HSPA12A: variants seen among roughly 807,000 people sequenced by gnomAD.
HSPA12A encodes the protein heat shock protein family A (Hsp70) member 12A.
In HSPA12A, 28 loss-of-function variants were observed where a neutral mutation model predicts 69.2. The ratio of observed to expected loss-of-function variants is 0.40; its 90% CI spans 0.30 to 0.55. HSPA12A has a LOEUF of 0.55. Among genes scored for constraint, HSPA12A ranks in the 20% least tolerant of loss-of-function variants. The pLI is 0.38. For synonymous variants in HSPA12A, 345 were observed against 370.5 expected, an observed-to-expected ratio of 0.93 and a Z score of 0.79; for missense variants, 686 against 900.7, an observed-to-expected ratio of 0.76 and a Z score of 3.05.
intron 2 of HSPA12A, 49 bp from the exon 3 acceptor site, chr10:116,705,327 T>C: frequency 6.2e-7 from 1 of 1,610,456 alleles, no homozygotes; most frequent in Non-Finnish European, 8.5e-7. Flanking sequence ...TGGGCCTGGC[T>C]TTCAGGAAGA....
intron 2 of HSPA12A, among the ~76,000 whole-genome samples, chr10:116,823,680 A>T (rs139867231): frequency 1.8e-4 from 28 of 152,314 alleles, no homozygotes; most frequent in African/African-American, 6.3e-4. Flanking sequence ...TGGTGCTGGG[A>T]CAACTGGATA....
intron 2 of HSPA12A, among the ~76,000 whole-genome samples, chr10:116,706,640 G>A (rs895875395): frequency 2.0e-5 from 3 of 152,102 alleles, no homozygotes; most frequent in Non-Finnish European, 4.4e-5. Flanking sequence ...CTAAACGGCC[G>A]CCCCCTAACA....
chr10:116,818,821 T>C (rs1284449074), intron 2 of HSPA12A, among the ~76,000 whole-genome samples: 1 of 152,144 alleles, frequency 6.6e-6, no homozygotes, highest in Non-Finnish European at 1.5e-5. Flanking sequence ...AAAATCTGTC[T>C]TGGTAAGAAT....
intron 2 of HSPA12A, chr10:116,831,847 G>A (rs966291032): frequency 6.6e-6 from 1 of 152,128 alleles, no homozygotes; most frequent in Non-Finnish European, 1.5e-5. Context: ...TAACCACGAG[G>A]AAAATCTTAA....
In HSPA12A at chr10:116,801,136, A is replaced by T. The variant is rs530525932; in HGVS notation, c.91+33799T>A. 9.2e-5 allele frequency among the ~76,000 whole-genome samples: 14 copies of T among 152,346 alleles called. No individual in the cohort carries two copies. The South Asian group carries it at 2.9e-3, about 32-fold the overall frequency. Reference sequence around the variant, plus strand: ...GTTGACACTAAATTGATTTCAACACATCCTATTTCCGGTCTAATGCTGGGC... The same window carrying T: ...GTTGACACTAAATTGATTTCAACACTTCCTATTTCCGGTCTAATGCTGGGC... On this transcript the variant is annotated intron_variant, in intron 2 of 12. Transcript: ENST00000635765.
At chr10:116,838,928 A>C (rs1353642262) in intron 1 of HSPA12A, among the ~76,000 whole-genome samples, 1 of 152,246 alleles carries the variant, frequency 6.6e-6, no homozygotes, top group Non-Finnish European at 1.5e-5. Context: ...AGAGCCACAC[A>C]CATTTCAACC....
intron 2 of HSPA12A, among the ~76,000 whole-genome samples, chr10:116,826,401 C>T (rs545882007): frequency 2.6e-5 from 4 of 152,078 alleles, no homozygotes; most frequent in East Asian, 1.9e-4. Flanking sequence ...CTTGAATGAA[C>T]GAATGAATGA....
chr10:116,698,595 G>A (rs782253917), intron 5 of HSPA12A, 40 bp downstream of exon 5: 20 of 1,531,908 alleles, frequency 1.3e-5, no homozygotes, highest in East Asian at 2.3e-5. Flanking sequence ...GGGTGCCACC[G>A]CCTAGCACAC....
At chr10:116,826,472 G>A (rs1845507883) in intron 2 of HSPA12A, among the ~76,000 whole-genome samples, 1 of 152,180 alleles carries the variant, frequency 6.6e-6, no homozygotes, top group Admixed American at 6.5e-5. Flanking sequence ...AGAAGTTTCT[G>A]AGAGTCTGAG....
upstream of HSPA12A, chr10:116,850,220 G>C (rs1290588241): frequency 4.5e-6 from 1 of 221,758 alleles, no homozygotes; most frequent in Non-Finnish European, 9.1e-6. Context: ...CCTCTGCCGG[G>C]ATGCCAGTTA....
Position 116,742,536 on chromosome 10 carries a change from C to A in HSPA12A, c.-67G>T. ...CGCCCGTGCCCGTGCGGGTCTCTGT[C>A]CGCGTCCGCGGCGGCGCTCGGGCCG... On this transcript the variant is annotated 5_prime_UTR_variant, in exon 1 of 12. Transcript: ENST00000369209. 8.4e-7 allele frequency: 1 copy of A among 1,190,908 alleles called. No homozygotes were observed. The highest frequency in any genetic ancestry group is 3.7e-5 in the South Asian group (1 of 26,966). 73.8% of individuals were successfully genotyped at this position (1,190,908 alleles called of 1,614,324 possible).
intron 1 of HSPA12A, among the ~76,000 whole-genome samples, chr10:116,734,300 A>G (rs1203294460): frequency 1.3e-5 from 2 of 151,996 alleles, no homozygotes; most frequent in Non-Finnish European, 2.9e-5. Context: ...AAATACAAAA[A>G]TTAGCTGGAC....
intron 2 of HSPA12A, among the ~76,000 whole-genome samples, chr10:116,755,786 G>T (rs1415407180): frequency 7.1e-6 from 1 of 140,120 alleles, no homozygotes; most frequent in Non-Finnish European, 1.5e-5. Context: ...TGGGCAACAT[G>T]GCAAAACCCC....
At chr10:116,817,746 T>C (rs894608897) in intron 2 of HSPA12A, among the ~76,000 whole-genome samples, 1 of 151,668 alleles carries the variant, frequency 6.6e-6, no homozygotes. Flanking sequence ...AATCTGCAAA[T>C]ATGAAGAATG....
intron 1 of HSPA12A, among the ~76,000 whole-genome samples, chr10:116,735,714 T>G (rs566543010): frequency 8.6e-5 from 13 of 152,032 alleles, no homozygotes; most frequent in Non-Finnish European, 1.6e-4. Context: ...ATGACTATTG[T>G]TGCCAGGCAC....
intron 2 of HSPA12A, among the ~76,000 whole-genome samples, chr10:116,788,580 T>G (rs1190640386): frequency 2.6e-5 from 4 of 152,198 alleles, no homozygotes; most frequent in Non-Finnish European, 5.9e-5. Context: ...GTGAGTATCC[T>G]TCCAGACTCT....
At position 116,677,125 on chromosome 10, in the gene HSPA12A, G is replaced by A. The variant is rs543174972; in HGVS notation, c.1287-623C>T. Among the ~76,000 whole-genome samples the A allele has an allele frequency of 1.1e-4, 16 of 152,314 alleles. No homozygotes were observed. In the South Asian group the frequency reaches 1.7e-3, roughly 16 times the overall value. ...CATTTTCTTCAAGCCCAGTCTCCAC[G>A]TCTGGAAGTCAGGGATAACTGCGCT... is the stretch of plus-strand genomic sequence containing the variant. On this transcript the variant is annotated intron_variant, in intron 10 of 11. Coordinates refer to ENST00000369209, the MANE Select transcript of HSPA12A (RefSeq NM_025015.3).
At chr10:116,844,088 G>C (rs1176985523) in intron 1 of HSPA12A, among the ~76,000 whole-genome samples, 1 of 152,218 alleles carries the variant, frequency 6.6e-6, no homozygotes, top group Non-Finnish European at 1.5e-5. Context: ...AGTGGAACCT[G>C]AGAGAGTTCT....
chr10:116,768,970 T>G (rs1341850958), intron 2 of HSPA12A, among the ~76,000 whole-genome samples: 1 of 152,154 alleles, frequency 6.6e-6, no homozygotes, highest in African/African-American at 2.4e-5. Flanking sequence ...GTGAGCACAC[T>G]CTCTCATCCA....
Sources: gnomAD v4.1 joint callset for allele counts (sites outside exome capture counted in the v4.1 genomes callset) on GRCh38, gnomAD v4.1.1 for gene constraint, MANE v1.5 for transcripts, NCBI Gene and HGNC (gene_info 2026-07-23, HGNC 2026-07-21) for gene names.